RNF38: variants seen among roughly 807,000 people sequenced by gnomAD.
RNF38 encodes the protein ring finger protein 38.
In RNF38, 15 loss-of-function variants were observed where a neutral mutation model predicts 67.2. That is an observed-to-expected ratio of 0.22 (90% CI 0.15 to 0.34). The LOEUF is 0.34. Among genes scored for constraint, RNF38 ranks in the 10% least tolerant of loss-of-function variants. RNF38 has a pLI of 1.00. For missense variants in RNF38, 524 were observed against 639.9 expected, an observed-to-expected ratio of 0.82 and a Z score of 1.95; for synonymous variants, 220 against 218.8, an observed-to-expected ratio of 1.01 and a Z score of -0.05.
chr9:36,397,052 T>C (rs1837574395), intron 1 of RNF38, among the ~76,000 whole-genome samples: 1 of 149,704 alleles, frequency 6.7e-6, no homozygotes, highest in Admixed American at 6.7e-5. Flanking sequence ...TATATACACA[T>C]GTATATATAC....
At chr9:36,348,083 CA>C (rs1328579665) in intron 9 of RNF38, among the ~76,000 whole-genome samples, 1 of 151,612 alleles carries the variant, frequency 6.6e-6, no homozygotes, top group Non-Finnish European at 1.5e-5. Flanking sequence ...CTCAAAAAAA[CA>C]AAACAAAAAC....
intron 2 of RNF38, among the ~76,000 whole-genome samples, chr9:36,416,420 G>A (rs1408262336): frequency 6.6e-6 from 1 of 152,092 alleles, no homozygotes; most frequent in African/African-American, 2.4e-5. Context: ...CAGCCTTAGA[G>A]CAAGGCTGAG....
At chr9:36,413,330 CA>C (rs1397614767) in intron 2 of RNF38, among the ~76,000 whole-genome samples, 1 of 152,098 alleles carries the variant, frequency 6.6e-6, no homozygotes, top group African/African-American at 2.4e-5. Flanking sequence ...CCTGAGGCCT[CA>C]CCAGAAACCG....
rs375462793 is a variant in RNF38, at chr9:36,390,609, G to A, written c.20C>T (p.Pro7Leu). 1 of 1,614,002 alleles carries A rather than the reference G, an allele frequency of 6.2e-7. No homozygotes were observed. The highest frequency in any genetic ancestry group is 8.5e-7 in the Non-Finnish European group (1 of 1,179,938). Residue 7 changes from proline to leucine, a missense_variant, in exon 2 of 12, where the codon CCC (proline) becomes CTC (leucine). Coordinates refer to ENST00000259605, the MANE Select transcript of RNF38 (RefSeq NM_022781.5). ...AGGTAGAGATGCTGAATTGGCCCCG[G>A]GAGATATCTGGGAAAAAGAGGAAGA... Reference protein sequence around the residue: MACKISPGANSASLPGH... With the variant: MACKISLGANSASLPGH...
At chr9:36,395,663 T>C (rs1837461196) in intron 1 of RNF38, among the ~76,000 whole-genome samples, 1 of 152,156 alleles carries the variant, frequency 6.6e-6, no homozygotes, top group African/African-American at 2.4e-5. Flanking sequence ...ATTAATAATT[T>C]AAAAAACATG....
chr9:36,447,105 C>G (rs1475782347), intron 1 of RNF38, among the ~76,000 whole-genome samples: 4 of 139,220 alleles, frequency 2.9e-5, no homozygotes, highest in South Asian at 2.3e-4. Context: ...CCAGCCTGGG[C>G]AACAGGGCAA....
chr9:36,383,304 C>T (rs992443106), intron 2 of RNF38, among the ~76,000 whole-genome samples: 9 of 152,242 alleles, frequency 5.9e-5, no homozygotes, highest in East Asian at 1.9e-4. Context: ...TGGGTTTAGG[C>T]GATTCTCCTG....
At chr9:36,446,112 G>A (rs1478121648) in intron 1 of RNF38, among the ~76,000 whole-genome samples, 1 of 152,168 alleles carries the variant, frequency 6.6e-6, no homozygotes, top group African/African-American at 2.4e-5. Context: ...TGGTCCATGA[G>A]CACACCTGAA....
chr9:36,400,621 G>T, upstream of RNF38: 1 of 985,888 alleles, frequency 1.0e-6, no homozygotes, highest in Non-Finnish European at 1.2e-6. Context: ...GCCTCCTATT[G>T]TGACTGCTCG....
At chr9:36,452,061 T>A (rs1839465277) in intron 1 of RNF38, among the ~76,000 whole-genome samples, 1 of 151,882 alleles carries the variant, frequency 6.6e-6, no homozygotes, top group Non-Finnish European at 1.5e-5. Flanking sequence ...TACTAAAAAT[T>A]TTTTTAAAAA....
chr9:36,369,302 G>C (rs1835200316), intron 4 of RNF38, among the ~76,000 whole-genome samples: 1 of 152,104 alleles, frequency 6.6e-6, no homozygotes, highest in African/African-American at 2.4e-5. Context: ...GTGCGATCTT[G>C]ACTCACTGCA....
intron 2 of RNF38, among the ~76,000 whole-genome samples, chr9:36,386,114 T>A (rs184871875): frequency 2.6e-5 from 4 of 152,316 alleles, no homozygotes; most frequent in Admixed American, 1.3e-4. Context: ...TAAAGATGTG[T>A]TTGGGCCTAA....
At chr9:36,400,323 CA>C, upstream of RNF38, 37 of 1,257,290 alleles carry the variant, frequency 2.9e-5, no homozygotes, top group Non-Finnish European at 3.7e-5. Flanking sequence ...GACATCATTT[CA>C]CCTGCGTCTC....
chr9:36,477,821 CAAAAAAAAAAAAAA>C (rs34504795), intron 1 of RNF38, among the ~76,000 whole-genome samples: 1,285 of 110,418 alleles, frequency 0.012, 20 homozygotes, highest in African/African-American at 0.042. Flanking sequence ...GACTCTGTCT[CAAAAAAAAAAAAAA>C]AGAAAGAAAA....
chr9:36,343,767 G>A lies in RNF38; in HGVS notation c.1385+1065C>T, dbSNP rs527429533. ...CAGTAAAAGCTACAATATAGAAAAA[G>A]TTATGCTAAGTGAAAGATGCTAGAC... On this transcript the variant is annotated intron_variant, in intron 10 of 11. Transcript: ENST00000259605. Among the ~76,000 whole-genome samples the A allele has an allele frequency of 7.4e-4, 112 of 152,194 alleles. 1 individual carries two copies. The highest frequency in any genetic ancestry group is 2.6e-3 in the African/African-American group (109 of 41,536).
intron 1 of RNF38, among the ~76,000 whole-genome samples, chr9:36,443,981 G>T (rs1016509248): frequency 6.6e-6 from 1 of 152,180 alleles, no homozygotes; most frequent in Non-Finnish European, 1.5e-5. Flanking sequence ...TCCCAGAAGA[G>T]CAGCTCTAAT....
At chr9:36,381,306 ACT>A (rs1836194055) in intron 2 of RNF38, among the ~76,000 whole-genome samples, 2 of 151,926 alleles carry the variant, frequency 1.3e-5, no homozygotes, top group Admixed American at 1.3e-4. Flanking sequence ...GACTGAACTG[ACT>A]CTCTCTTGAC....
rs186189289 is a variant in RNF38 at position 36,369,765 on chromosome 9, G to A, written c.524C>T (p.Ala175Val). 1.9e-6 allele frequency: 3 copies of A among 1,614,068 alleles called. No homozygotes were observed. Among genetic ancestry groups the A allele is most frequent in the Admixed American group, 3.3e-5 (2 of 60,016 alleles). Residue 175 changes from alanine to valine, a missense_variant, in exon 4 of 12, where the codon GCT becomes GTT. Ala to Val is a moderately conservative substitution (Grantham distance 64, BLOSUM62 0). Coordinates refer to ENST00000259605, the MANE Select transcript of RNF38 (RefSeq NM_022781.5). Reference sequence around the variant, plus strand: ...GACTGCATTCTGCTGGGGTGGATGAGCAGCAGGATGTAGCAGACGGGGAGA... The same window carrying A: ...GACTGCATTCTGCTGGGGTGGATGAACAGCAGGATGTAGCAGACGGGGAGA... Reference protein sequence around the residue: ...NVSPRLLHPAAHPPQQNAVMV... With the variant: ...NVSPRLLHPAVHPPQQNAVMV...
At chr9:36,454,128 C>CT (rs111987823) in intron 1 of RNF38, among the ~76,000 whole-genome samples, 3,768 of 146,090 alleles carry the variant, frequency 0.026, 131 homozygotes, top group African/African-American at 0.078. Context: ...TTCTTTCATA[C>CT]TTTTTTTTTT....
Sources: gnomAD v4.1 joint callset for allele counts (sites outside exome capture counted in the v4.1 genomes callset) on GRCh38, gnomAD v4.1.1 for gene constraint, MANE v1.5 for transcripts, NCBI Gene and HGNC (gene_info 2026-07-23, HGNC 2026-07-21) for gene names.